The following BMS1 variants were observed in gnomAD, a reference collection of about 807,000 sequenced individuals.
BMS1 encodes ribosome biogenesis protein BMS1 homolog.
BMS1 carries 53 observed loss-of-function variants against 138.7 expected under a neutral mutation model. The ratio of observed to expected loss-of-function variants is 0.38; its 90% CI spans 0.31 to 0.48. The LOEUF (loss-of-function observed/expected upper bound fraction) is 0.48, where lower values mean the gene tolerates loss of function less well. Ranked by LOEUF, BMS1 falls within the 20% of genes least tolerant of loss-of-function variation. The pLI, the probability that BMS1 is intolerant of heterozygous loss-of-function variation, is 0.97. For missense variants in BMS1, 1,360 were observed against 1,565.5 expected, an observed-to-expected ratio of 0.87 and a Z score of 2.22; for synonymous variants, 504 against 539.9, an observed-to-expected ratio of 0.93 and a Z score of 0.92.
Position 42,791,634 on chromosome 10 carries a change from A to G in BMS1, c.644A>G (p.Lys215Arg). The change falls in exon 6 of 23, where the codon AAG becomes AGG. Residue 215 changes from lysine to arginine, a missense_variant. By Grantham distance (26) the Lys-to-Arg change is conservative. Transcript: ENST00000374518. ...RFWTEVYPGA[K>R]LFYLSGMVHG... is the part of the protein sequence containing the mutation. ...TTTTCCTCTAATGTTTAGGGTGCCA[A>G]GCTGTTCTACCTTTCTGGAATGGTG... is the stretch of plus-strand genomic sequence containing the variant. The G allele has an allele frequency of 2.5e-6, 4 of 1,604,268 alleles. No homozygotes were observed. In the South Asian group the frequency reaches 3.4e-5, roughly 14 times the overall value.
intron 12 of BMS1, among the ~76,000 whole-genome samples, chr10:42,800,533 T>C (rs1841838609): frequency 6.6e-6 from 1 of 151,286 alleles, no homozygotes; most frequent in Non-Finnish European, 1.5e-5. Flanking sequence ...TGATTTTTTT[T>C]TTTTTTTTTT....
Position 42,831,203 on chromosome 10 carries a change from ATGTCTC to A in BMS1, c.*109_*114del. 1 of 1,175,508 alleles carries A rather than the reference ATGTCTC, an allele frequency of 8.5e-7. No homozygotes were observed. Among genetic ancestry groups the A allele is most frequent in the East Asian group, 2.6e-5 (1 of 38,930 alleles). 72.8% of individuals were successfully genotyped at this position (1,175,508 alleles called of 1,614,324 possible). On this transcript the variant is annotated 3_prime_UTR_variant, in exon 23 of 23. Transcript: ENST00000374518. ...AAGTCAGTGGGAAAGAGCTCAAGAG[ATGTCTC>A]TACTCAAACTGTGCCTGCAGGAGGA...
chr10:42,812,456 A>G (rs1842212274), intron 13 of BMS1, among the ~76,000 whole-genome samples: 3 of 152,006 alleles, frequency 2.0e-5, no homozygotes, highest in Admixed American at 1.3e-4. Context: ...TAGTTTTAAC[A>G]GTTGCTGAGA....
chr10:42,788,606 C>T (rs1841410762), intron 4 of BMS1, among the ~76,000 whole-genome samples: 1 of 152,052 alleles, frequency 6.6e-6, no homozygotes, highest in African/African-American at 2.4e-5. Flanking sequence ...ATTTTTGTAC[C>T]TGTTAACCTT....
chr10:42,804,085 C>T (rs1050438422), intron 13 of BMS1, among the ~76,000 whole-genome samples: 9 of 152,164 alleles, frequency 5.9e-5, no homozygotes, highest in Non-Finnish European at 1.0e-4. Context: ...TTTTTGTTGG[C>T]TAGTGGGTAG....
intron 21 of BMS1, among the ~76,000 whole-genome samples, chr10:42,827,574 G>C (rs1398681880): frequency 6.6e-6 from 1 of 152,206 alleles, no homozygotes; most frequent in Non-Finnish European, 1.5e-5. Context: ...TCTCTGAGGG[G>C]AGTGCTGGGG....
intron 13 of BMS1, among the ~76,000 whole-genome samples, chr10:42,803,166 A>G (rs1261533777): frequency 1.3e-5 from 2 of 152,096 alleles, no homozygotes; most frequent in African/African-American, 4.8e-5. Context: ...CACTACACCC[A>G]GCTAATTTTA....
intron 6 of BMS1, 85 bp downstream of exon 6, chr10:42,791,854 T>C: frequency 1.4e-6 from 2 of 1,477,620 alleles, no homozygotes; most frequent in Non-Finnish European, 1.8e-6. Context: ...ATAGGATTTA[T>C]TTTGTGCCGA....
intron 8 of BMS1, among the ~76,000 whole-genome samples, 169 bp downstream of exon 8, chr10:42,793,313 T>A (rs1841572843): frequency 6.6e-6 from 1 of 151,178 alleles, no homozygotes; most frequent in Non-Finnish European, 1.5e-5. Flanking sequence ...AAAATAATAC[T>A]TTTTTTTTCA....
intron 21 of BMS1, among the ~76,000 whole-genome samples, chr10:42,826,239 GTGTGT>G (rs1842639175): frequency 2.6e-4 from 2 of 7,824 alleles, no homozygotes; most frequent in South Asian, 0.014. Context: ...TTTGTTTGTT[GTGTGT>G]GTGTGTGTGT....
chr10:42,819,248 G>GT (rs1340822423), intron 15 of BMS1, among the ~76,000 whole-genome samples: 2 of 152,206 alleles, frequency 1.3e-5, no homozygotes, highest in African/African-American at 4.8e-5. Context: ...GTGGCCCTGA[G>GT]TAGAGGCATG....
chr10:42,817,432 T>C lies in BMS1; in HGVS notation c.2518T>C (p.Tyr840His), dbSNP rs2132369935. 1 of 1,608,742 alleles carries C rather than the reference T, an allele frequency of 6.2e-7. No homozygotes were observed. The highest frequency in any genetic ancestry group is 1.3e-5 in the African/African-American group (1 of 74,738). Residue 840 changes from tyrosine to histidine, a missense_variant, in exon 15 of 23, where the codon TAT (tyrosine) becomes CAT (histidine). Physicochemically the swap from Tyr to His is moderately conservative, Grantham distance 83. This residue lies in a region of BMS1 where 425 missense variants were observed against 568.3 expected (regional missense o/e 0.75). Transcript: ENST00000374518. ...ATTGAAGGAGATGTTTGATGCAGAA[T>C]ATGATGAAGGAGAAAGCACATATTT... ...RKLKEMFDAE[Y>H]DEGESTYFDD...
intron 13 of BMS1, among the ~76,000 whole-genome samples, chr10:42,806,206 A>G (rs1347126727): frequency 1.3e-5 from 2 of 152,118 alleles, no homozygotes; most frequent in Non-Finnish European, 1.5e-5. Flanking sequence ...CCTTGGTCCA[A>G]TCTCATATGG....
At chr10:42,802,579 T>C (rs1395072822) in intron 13 of BMS1, among the ~76,000 whole-genome samples, 1 of 152,064 alleles carries the variant, frequency 6.6e-6, no homozygotes, top group African/African-American at 2.4e-5. Flanking sequence ...GTACATAACA[T>C]ACCAGAATTC....
intron 2 of BMS1, among the ~76,000 whole-genome samples, chr10:42,784,901 A>G (rs111512551): frequency 0.079 from 11,970 of 152,276 alleles, 751 homozygotes; most frequent in African/African-American, 0.16. Flanking sequence ...TACAAAAATT[A>G]CAATATTTAA....
At chr10:42,827,325 C>G (rs1842676697) in intron 21 of BMS1, among the ~76,000 whole-genome samples, 1 of 152,160 alleles carries the variant, frequency 6.6e-6, no homozygotes, top group African/African-American at 2.4e-5. Context: ...GTTACCGAGT[C>G]TCAGGTATTC....
In BMS1 at chr10:42,785,682, G is replaced by A. The variant is rs1375053160; in HGVS notation, c.367+10G>A. 7.4e-6 allele frequency: 12 copies of A among 1,611,606 alleles called. No homozygotes were observed. In the African/African-American group the frequency reaches 1.6e-4, roughly 22 times the overall value. ...GTGACGATTGTGTCAGGTAGGAGAT[G>A]CCACCACAGACACAGAGTTGGCGTG... On this transcript the variant is annotated intron_variant, in intron 3 of 22. Coordinates refer to ENST00000374518, the MANE Select transcript of BMS1 (RefSeq NM_014753.4).
chr10:42,787,138 A>G (rs1198345230), intron 3 of BMS1, 30 bp from the exon 4 acceptor site: 1 of 775,308 alleles, frequency 1.3e-6, no homozygotes, highest in Non-Finnish European at 2.2e-6. Flanking sequence ...GGGTCTTTTT[A>G]AAGTAAAATT....
chr10:42,790,613 C>T, intron 5 of BMS1, 102 bp downstream of exon 5: 3 of 1,273,744 alleles, frequency 2.4e-6, no homozygotes, highest in South Asian at 1.4e-5. Flanking sequence ...CAGCACTTTG[C>T]AAGGCAGAGG....
Sources: allele counts gnomAD v4.1 joint callset (sites outside exome capture counted in the v4.1 genomes callset), GRCh38; gene constraint gnomAD v4.1.1; regional missense constraint gnomAD v4.1.1; transcripts MANE v1.5; gene names NCBI Gene and HGNC (gene_info 2026-07-23, HGNC 2026-07-21).